The following UNKL variants were observed in gnomAD, a reference collection of about 807,000 sequenced individuals.
UNKL encodes unk like zinc finger.
UNKL carries 60 observed loss-of-function variants against 78.0 expected under a neutral mutation model. That is an observed-to-expected ratio of 0.77 (90% CI 0.63 to 0.95). UNKL has a LOEUF of 0.95. UNKL is among the 40% of genes least tolerant of loss of function. The pLI is 0.00. For missense variants in UNKL, 1,159 were observed against 1,045.7 expected (o/e 1.11, Z -1.49); for synonymous variants, 608 against 474.8 (o/e 1.28, Z -3.65).
intron 11 of UNKL, among the ~76,000 whole-genome samples, chr16:1,370,962 A>T (rs1256722788): frequency 6.6e-6 from 1 of 151,744 alleles, no homozygotes; most frequent in East Asian, 2.0e-4. Context: ...GGGCACCTGT[A>T]GTCCCAGCTA....
intron 2 of UNKL, among the ~76,000 whole-genome samples, chr16:1,410,622 C>G (rs1042953289): frequency 1.3e-5 from 2 of 152,188 alleles, no homozygotes; most frequent in Non-Finnish European, 2.9e-5. Context: ...CTGTATTCAA[C>G]ACTGGAGTGG....
chr16:1,403,252 G>T lies in UNKL; in HGVS notation c.380C>A (p.Ala127Glu), dbSNP rs771405455. The stretch of plus-strand genomic sequence containing the variant: ...CCCATTCTTCACGCAGTGGCCACGT[G>T]CGTCTGTCTCGTGGATGCAGGTTCC... ...KTGTCIHETD[A>E]RGHCVKNGLH... Residue 127 changes from alanine (A) to glutamate (E), a missense_variant, in exon 3 of 15, where the codon GCA becomes GAA. Coordinates refer to ENST00000389221, the MANE Select transcript of UNKL (RefSeq NM_001372107.1). This position sits in a 1 kb window ranked among gnomAD's most constrained non-coding sequence, Gnocchi z 4.8. 6.2e-7 allele frequency: 1 copy of T among 1,614,208 alleles called. No individual in the cohort carries two copies. Among genetic ancestry groups the T allele is most frequent in the East Asian group, 2.2e-5 (1 of 44,876 alleles).
At chr16:1,391,480 G>A (rs886466219) in intron 8 of UNKL, among the ~76,000 whole-genome samples, 1 of 152,120 alleles carries the variant, frequency 6.6e-6, no homozygotes, top group Non-Finnish European at 1.5e-5. Context: ...AAAGCTTTCT[G>A]TAGAGACAGG....
intron 4 of UNKL, among the ~76,000 whole-genome samples, chr16:1,400,417 CAAAAAAAAAAAAAAAAAAAAAA>C (rs56093103): frequency 3.2e-3 from 100 of 30,810 alleles, no homozygotes; most frequent in Admixed American, 9.5e-3. Context: ...GACTCCATCT[CAAAAAAAAAAAAAAAAAAAAAA>C]AAAAAAAAAA....
chr16:1,396,657 G>A lies in UNKL; in HGVS notation c.852+521C>T, dbSNP rs535936361. Among the ~76,000 whole-genome samples the A allele has an allele frequency of 2.4e-4, 37 of 152,038 alleles. 1 individual carries two copies. The South Asian group carries it at 5.0e-3, about 20-fold the overall frequency. On this transcript the variant is annotated intron_variant, in intron 6 of 14. Transcript: ENST00000389221. The stretch of plus-strand genomic sequence containing the variant: ...TGCCCAGGCCAGAGTGCAGTGGCAC[G>A]ATCTCAGCTCACTGCAAGCTCCGCC...
chr16:1,369,931 T>G, intron 12 of UNKL, 199 bp downstream of exon 12: 4 of 1,546,434 alleles, frequency 2.6e-6, no homozygotes, highest in Non-Finnish European at 3.5e-6. Flanking sequence ...GCCGAGATCG[T>G]ACCATTGCAG....
At position 1,370,170 on chromosome 16, in the gene UNKL, C is replaced by A. The variant is rs369193539; in HGVS notation, c.1545G>T (p.Pro515=). The change falls in exon 12 of 15, where the codon CCG becomes CCT. Residue 515 remains proline (P), a synonymous_variant. Transcript: ENST00000389221. ...ATGAGGCTGCAGAGCCCAGTGTGCCCGGCTCTGAACGCAGGGGTGGCGGCT... is the reference window on the plus strand; with the variant it reads ...ATGAGGCTGCAGAGCCCAGTGTGCCAGGCTCTGAACGCAGGGGTGGCGGCT... The part of the protein sequence containing the change: ...PQQPPPLRSE[P]GTLGSAASSY... 4.2e-5 allele frequency: 64 copies of A among 1,513,192 alleles called. No individual in the cohort carries two copies. In the African/African-American group the frequency reaches 6.5e-4, roughly 15 times the overall value. 93.7% of individuals were successfully genotyped at this position (1,513,192 alleles called of 1,614,324 possible).
At chr16:1,371,985 G>A (rs190173223) in intron 10 of UNKL, among the ~76,000 whole-genome samples, 90 of 152,232 alleles carry the variant, frequency 5.9e-4, no homozygotes, top group African/African-American at 1.5e-3. Flanking sequence ...GGCCGGGTGC[G>A]GTGGCTCACA....
intron 10 of UNKL, among the ~76,000 whole-genome samples, chr16:1,381,614 A>G (rs1425014062): frequency 1.3e-5 from 2 of 152,188 alleles, no homozygotes; most frequent in Admixed American, 6.5e-5. Context: ...AGCAAGAAAA[A>G]AAAAGAACCT....
At chr16:1,374,977 C>T (rs113385555) in intron 10 of UNKL, among the ~76,000 whole-genome samples, 2 of 152,326 alleles carry the variant, frequency 1.3e-5, no homozygotes, top group African/African-American at 4.8e-5. Context: ...CTGTGGGGCA[C>T]GTGGCCTGCA....
chr16:1,411,051 A>G (rs1214629166), intron 2 of UNKL, among the ~76,000 whole-genome samples: 1 of 152,060 alleles, frequency 6.6e-6, no homozygotes, highest in Non-Finnish European at 1.5e-5. Context: ...CATCTCTACA[A>G]AAAAATTAAA....
At chr16:1,385,439 C>T (rs1386305328) in intron 9 of UNKL, 54 bp from the exon 10 acceptor site, 13 of 1,281,498 alleles carry the variant, frequency 1.0e-5, no homozygotes, top group South Asian at 2.4e-5. Flanking sequence ...GAGGAGGCAG[C>T]GCCACGTCGG....
chr16:1,398,679 GCA>G, intron 5 of UNKL: 1 of 1,356,248 alleles, frequency 7.4e-7, no homozygotes. Context: ...TGTGGGGTCT[GCA>G]CCCCCCCACC....
rs375384039 is a variant in UNKL, at chr16:1,403,306, C to T, written c.326G>A (p.Arg109His). The change falls in exon 3 of 15, where the codon CGC becomes CAC. Residue 109 changes from arginine to histidine, a missense_variant. Physicochemically the swap from Arg to His is conservative, Grantham distance 29. Coordinates refer to ENST00000389221, the MANE Select transcript of UNKL (RefSeq NM_001372107.1). The surrounding 1 kb of genome is among the most constrained non-coding windows in gnomAD (Gnocchi z 4.8). Reference protein sequence around the residue: ...YLHRTTGDTERKYHLRYYKTG... With the variant: ...YLHRTTGDTEHKYHLRYYKTG... ...TTTGTAGTAACGCAGGTGGTACTTG[C>T]GTTCTGTGTCCCCCGTCGTCCGGTG... 2.5e-6 allele frequency: 4 copies of T among 1,614,084 alleles called. No homozygotes were observed. Among genetic ancestry groups the T allele is most frequent in the African/African-American group, 1.3e-5 (1 of 74,922 alleles).
chr16:1,387,113 C>T lies in UNKL; in HGVS notation c.1087-1728G>A, dbSNP rs1449819843. Among the ~76,000 whole-genome samples, 1 of 151,892 alleles carries T rather than the reference C, an allele frequency of 6.6e-6. No homozygotes were observed. Among genetic ancestry groups the T allele is most frequent in the Non-Finnish European group, 1.5e-5 (1 of 67,922 alleles). ...AGCACCGGGGACCCTCCCAGCAATG[C>T]AGCACCGGGGACCCTCCCAGCCATG... On this transcript the variant is annotated intron_variant, in intron 9 of 14. Coordinates refer to ENST00000389221, the MANE Select transcript of UNKL (RefSeq NM_001372107.1). This position sits in a 1 kb window ranked among gnomAD's most constrained non-coding sequence, Gnocchi z 4.1.
At position 1,400,082 on chromosome 16, in the gene UNKL, G is replaced by A. The variant is rs537821951; in HGVS notation, c.599-573C>T. 5.5e-4 allele frequency among the ~76,000 whole-genome samples: 84 copies of A among 152,162 alleles called. 1 individual carries two copies. Among genetic ancestry groups the A allele is most frequent in the African/African-American group, 2.0e-3 (82 of 41,490 alleles). ...GAAATCTATTTTTCTACTCAGTTTT[G>A]CTGTGAACCGGAAACCGCTCTAAAA... is the stretch of plus-strand genomic sequence containing the variant. On this transcript the variant is annotated intron_variant, in intron 4 of 14. Coordinates refer to ENST00000389221, the MANE Select transcript of UNKL (RefSeq NM_001372107.1).
At chr16:1,368,604 G>T (rs1198068917) in intron 12 of UNKL, among the ~76,000 whole-genome samples, 2 of 62,852 alleles carry the variant, frequency 3.2e-5, no homozygotes, top group Non-Finnish European at 5.3e-5. Context: ...ATGAGACTCC[G>T]TCTCAAAAAA....
At chr16:1,390,528 TG>T (rs2037003474) in intron 9 of UNKL, 103 bp downstream of exon 9, 2 of 1,257,370 alleles carry the variant, frequency 1.6e-6, no homozygotes, top group Non-Finnish European at 2.2e-6. Flanking sequence ...CAAGGATGCA[TG>T]AGCGCTGCCC....
intron 2 of UNKL, among the ~76,000 whole-genome samples, chr16:1,407,960 C>A (rs1044960156): frequency 6.6e-6 from 1 of 151,956 alleles, no homozygotes; most frequent in Non-Finnish European, 1.5e-5. Context: ...AATCTCAGGA[C>A]TCTGGGAAGC....
Sources: allele counts gnomAD v4.1 joint callset (sites outside exome capture counted in the v4.1 genomes callset), GRCh38; gene constraint gnomAD v4.1.1; non-coding constraint Gnocchi (gnomAD v3.1); transcripts MANE v1.5; gene names NCBI Gene and HGNC (gene_info 2026-07-23, HGNC 2026-07-21).